The following CST7 variants were observed in gnomAD, a reference collection of about 807,000 sequenced individuals.
The protein encoded by CST7 is cystatin F.
CST7 carries 15 observed loss-of-function variants against 13.1 expected under a neutral mutation model. That is an observed-to-expected ratio of 1.14 (90% CI 0.77 to 1.76). The LOEUF (loss-of-function observed/expected upper bound fraction) is 1.76. CST7 is among the 40% of genes most tolerant of loss of function. The pLI is 0.00. For synonymous variants in CST7, 75 were observed against 66.9 expected (o/e 1.12, Z -0.59); for missense variants, 193 against 178.8 (o/e 1.08, Z -0.45).
Position 24,949,631 on chromosome 20 carries a change from C to A in CST7, c.70+56C>A. On this transcript the variant is annotated intron_variant, in intron 1 of 3. Transcript: ENST00000480798. ...GGGGGTCTCTCCCTGAGATTGGCCA[C>A]TGGTGCCTTGGGTCTTCCCCAGGGC... The A allele has an allele frequency of 3.7e-6, 6 of 1,605,258 alleles. No homozygotes were observed. In the South Asian group the frequency reaches 5.6e-5, roughly 15 times the overall value.
At chr20:24,958,308 C>T (rs747853825) in intron 2 of CST7, among the ~76,000 whole-genome samples, 8 of 152,072 alleles carry the variant, frequency 5.3e-5, no homozygotes, top group African/African-American at 9.7e-5. Context: ...CCTCCTTCTC[C>T]GGGTAGGCCA....
At position 24,957,327 on chromosome 20, in the gene CST7, A is replaced by G. The variant is rs1208773580; in HGVS notation, c.111A>G (p.Gly37=). The G allele has an allele frequency of 6.2e-7, 1 of 1,613,624 alleles. No homozygotes were observed. The highest frequency in any genetic ancestry group is 1.1e-5 in the South Asian group (1 of 91,056). ...ACCTTAACTCACGTGTGAAGCCAGG[A>G]TTTCCTAAAACAATAAAGACCAATG... ...SQDLNSRVKP[G]FPKTIKTNDP... Residue 37 remains glycine (G), a synonymous_variant, in exon 2 of 4, where the codon GGA becomes GGG. Transcript: ENST00000480798.
At chr20:24,957,833 C>T (rs566709397) in intron 2 of CST7, among the ~76,000 whole-genome samples, 5 of 152,278 alleles carry the variant, frequency 3.3e-5, no homozygotes, top group African/African-American at 4.8e-5. Context: ...GGTCCTCACC[C>T]GGCCTCACCC....
rs140223750 is a variant in CST7, at chr20:24,956,758, G to T, written c.71-529G>T. On this transcript the variant is annotated intron_variant, in intron 1 of 3. Coordinates refer to ENST00000480798, the MANE Select transcript of CST7 (RefSeq NM_003650.4). ...GGACGGCGCCATCTCCTTCCGGTGG[G>T]AGGCACTACCTCCATCTACCGCCCA... 8.1e-3 allele frequency among the ~76,000 whole-genome samples: 1,235 copies of T among 151,702 alleles called. 22 individuals carry two copies. Among genetic ancestry groups the T allele is most frequent in the African/African-American group, 0.029 (1,180 of 41,306 alleles).
intron 1 of CST7, among the ~76,000 whole-genome samples, chr20:24,953,889 C>T (rs9941771): frequency 0.016 from 2,398 of 152,250 alleles, 84 homozygotes; most frequent in African/African-American, 0.055. Flanking sequence ...GACGTCATCG[C>T]GGCCATCACC....
At chr20:24,953,001 A>T (rs1009529455) in intron 1 of CST7, among the ~76,000 whole-genome samples, 5 of 152,176 alleles carry the variant, frequency 3.3e-5, no homozygotes, top group African/African-American at 1.2e-4. Flanking sequence ...CAGCTCTGCC[A>T]CTGGGCCTAT....
chr20:24,956,039 C>T (rs2087851849), intron 1 of CST7, among the ~76,000 whole-genome samples: 1 of 152,184 alleles, frequency 6.6e-6, no homozygotes, highest in Non-Finnish European at 1.5e-5. Flanking sequence ...TGCCAGGTGG[C>T]CTCCCTTCAC....
At chr20:24,949,661 T>A in intron 1 of CST7, 86 bp downstream of exon 1, 1 of 1,549,830 alleles carries the variant, frequency 6.5e-7, no homozygotes, top group East Asian at 2.3e-5. Flanking sequence ...CAGGGCACTT[T>A]CCTAGCTTGG....
chr20:24,950,387 C>G (rs530981938), intron 1 of CST7, among the ~76,000 whole-genome samples: 27 of 152,356 alleles, frequency 1.8e-4, no homozygotes, highest in Non-Finnish European at 2.6e-4. Flanking sequence ...GCAGCAGGAC[C>G]ACTGACAAGA....
In CST7 at chr20:24,958,972, A is replaced by C. The variant is rs758935314; in HGVS notation, c.288A>C (p.Arg96Ser). The C allele has an allele frequency of 1.5e-5, 25 of 1,613,896 alleles. No individual in the cohort carries two copies. In the East Asian group the frequency reaches 5.3e-4, roughly 35 times the overall value. ...ATATGCTGGAGGTGGAAATTGGCAGAACTACCTGCAAGAAAAACCAGCACC... is the reference window on the plus strand; with the variant it reads ...ATATGCTGGAGGTGGAAATTGGCAGCACTACCTGCAAGAAAAACCAGCACC... ...LKYMLEVEIG[R>S]TTCKKNQHLR... The change falls in exon 3 of 4, where the codon AGA becomes AGC. Residue 96 changes from arginine to serine, a missense_variant. By Grantham distance (110) the Arg-to-Ser change is moderately radical. Transcript: ENST00000480798.
intron 1 of CST7, among the ~76,000 whole-genome samples, chr20:24,956,148 TG>T (rs1159237374): frequency 6.6e-6 from 1 of 152,160 alleles, no homozygotes; most frequent in African/African-American, 2.4e-5. Flanking sequence ...CCACCCAGCC[TG>T]GGGGTGCCAC....
At chr20:24,950,072 C>A (rs2087810367) in intron 1 of CST7, among the ~76,000 whole-genome samples, 1 of 152,140 alleles carries the variant, frequency 6.6e-6, no homozygotes. Flanking sequence ...GGAGGGGGGA[C>A]AGGGAGGAAA....
intron 1 of CST7, among the ~76,000 whole-genome samples, chr20:24,950,651 C>T (rs1029506755): frequency 2.0e-5 from 3 of 152,212 alleles, no homozygotes; most frequent in Non-Finnish European, 4.4e-5. Context: ...ATGGAGCTGA[C>T]CCATGGCTGG....
intron 1 of CST7, among the ~76,000 whole-genome samples, chr20:24,950,019 T>G (rs1179914577): frequency 6.6e-6 from 1 of 152,182 alleles, no homozygotes; most frequent in Non-Finnish European, 1.5e-5. Flanking sequence ...TCAGACTCTT[T>G]CACCCTTCCT....
intron 2 of CST7, 90 bp from the exon 3 acceptor site, chr20:24,958,838 T>C (rs2087875838): frequency 2.1e-6 from 2 of 937,294 alleles, no homozygotes; most frequent in Non-Finnish European, 3.4e-6. Context: ...GGTGGGCACC[T>C]GCACCACTGT....
At chr20:24,950,281 G>A (rs1218472931) in intron 1 of CST7, among the ~76,000 whole-genome samples, 1 of 152,218 alleles carries the variant, frequency 6.6e-6, no homozygotes, top group African/African-American at 2.4e-5. Flanking sequence ...GGCACCAGAG[G>A]GCTGAGGTGA....
At chr20:24,950,545 G>C (rs918282610) in intron 1 of CST7, among the ~76,000 whole-genome samples, 1 of 152,206 alleles carries the variant, frequency 6.6e-6, no homozygotes, top group Non-Finnish European at 1.5e-5. Context: ...AGCAGCCAAG[G>C]GGACACGGCA....
chr20:24,959,689 G>A lies in CST7; in HGVS notation c.415G>A (p.Val139Met), dbSNP rs766505972. The change falls in exon 4 of 4, where the codon GTG (valine) becomes ATG (methionine). Residue 139 changes from valine (V) to methionine (M), a missense_variant. Transcript: ENST00000480798. The stretch of plus-strand genomic sequence containing the variant: ...CGTGCCCTGGCTCCAGCACTTCGAG[G>A]TGCCTGTTCTCCGTTGTCACTGACC... ...WVVPWLQHFE[V>M]PVLRCH The A allele has an allele frequency of 1.1e-5, 18 of 1,613,936 alleles. No homozygotes were observed. In the Admixed American group the frequency reaches 3.0e-4, roughly 27 times the overall value.
intron 3 of CST7, 52 bp from the exon 4 acceptor site, chr20:24,959,583 G>T: frequency 6.4e-7 from 1 of 1,561,632 alleles, no homozygotes; most frequent in Non-Finnish European, 8.8e-7. Context: ...ACGGGCAGAG[G>T]GCTCCCCGCA....
Sources: gnomAD v4.1 joint callset for allele counts (sites outside exome capture counted in the v4.1 genomes callset) on GRCh38, gnomAD v4.1.1 for gene constraint, MANE v1.5 for transcripts, NCBI Gene and HGNC (gene_info 2026-07-23, HGNC 2026-07-21) for gene names.